Variants in GRIN2A observed in about 807,000 individuals in gnomAD.
GRIN2A encodes the protein glutamate ionotropic receptor NMDA type subunit 2A.
A neutral mutation model predicts 113.4 loss-of-function variants in GRIN2A; 22 were observed. The ratio of observed to expected loss-of-function variants is 0.19; its 90% confidence interval spans 0.14 to 0.28. The LOEUF is 0.28. Ranked by LOEUF, GRIN2A falls within the 10% of genes least tolerant of loss-of-function variation. GRIN2A has a pLI of 1.00. For missense variants in GRIN2A, 1,502 were observed against 1,887.0 expected (o/e 0.80, Z 3.78); for synonymous variants, 827 against 738.4 (o/e 1.12, Z -1.94).
At chr16:10,149,117 G>T (rs1421989770) in intron 2 of GRIN2A, among the ~76,000 whole-genome samples, 1 of 152,142 alleles carries the variant, frequency 6.6e-6, no homozygotes, top group Non-Finnish European at 1.5e-5. Flanking sequence ...TGGTTAATGG[G>T]TTCAAAAAAT....
At chr16:9,872,079 C>T (rs867698684) in intron 4 of GRIN2A, among the ~76,000 whole-genome samples, 9 of 152,250 alleles carry the variant, frequency 5.9e-5, no homozygotes, top group Middle Eastern at 3.4e-3. Context: ...GATCATGCAT[C>T]TAAAGTTCTG....
At chr16:10,082,165 C>G (rs2047998015) in intron 2 of GRIN2A, among the ~76,000 whole-genome samples, 1 of 152,126 alleles carries the variant, frequency 6.6e-6, no homozygotes, top group Non-Finnish European at 1.5e-5. Flanking sequence ...CATTGTATGG[C>G]CACACTCCAT....
intron 8 of GRIN2A, among the ~76,000 whole-genome samples, chr16:9,830,097 G>C (rs754501495): frequency 4.6e-5 from 7 of 152,192 alleles, no homozygotes; most frequent in Non-Finnish European, 1.0e-4. Flanking sequence ...CTGATGTTTG[G>C]TATTCTAATC....
At chr16:10,141,004 G>T (rs2049315709) in intron 2 of GRIN2A, among the ~76,000 whole-genome samples, 1 of 151,974 alleles carries the variant, frequency 6.6e-6, no homozygotes, top group African/African-American at 2.4e-5. Flanking sequence ...GACCAGCCTG[G>T]GCAACATAGT....
chr16:9,802,060 A>G (rs1438566652), intron 10 of GRIN2A, among the ~76,000 whole-genome samples: 2 of 152,230 alleles, frequency 1.3e-5, no homozygotes, highest in African/African-American at 4.8e-5. Context: ...TTAAAAAGTC[A>G]AAAAATAACA....
chr16:10,105,753 A>T (rs1210332832), intron 2 of GRIN2A, among the ~76,000 whole-genome samples: 2 of 151,998 alleles, frequency 1.3e-5, no homozygotes, highest in East Asian at 3.9e-4. Context: ...CTAAAAATAC[A>T]AAAATTAGCT....
intron 2 of GRIN2A, among the ~76,000 whole-genome samples, chr16:10,165,640 C>A (rs534938428): frequency 4.9e-4 from 67 of 135,806 alleles, no homozygotes; most frequent in African/African-American, 1.8e-3. Context: ...TGCTGCTAAA[C>A]AGGAGAGAGA....
At chr16:10,037,036 G>C (rs1015626704) in intron 2 of GRIN2A, 7 of 152,132 alleles carry the variant, frequency 4.6e-5, no homozygotes, top group African/African-American at 1.4e-4. Context: ...GATCCATGCC[G>C]TGGAGACAAA....
chr16:10,087,852 AATT>A lies in GRIN2A; in HGVS notation c.414+92143_414+92145del, dbSNP rs1377182871. Among the ~76,000 whole-genome samples, 6 of 80,548 alleles carry A rather than the reference AATT, an allele frequency of 7.4e-5. No individual in the cohort carries two copies. The Admixed American group carries it at 1.0e-3, about 14-fold the overall frequency. 52.8% of individuals were successfully genotyped at this position (80,548 alleles called of 152,430 possible). ...TAGGCATGCACCACCATGCCCAGCTAATTTTTTTTTTTTTTTTTTTTTGAGACA... is the reference window on the plus strand; with the variant it reads ...TAGGCATGCACCACCATGCCCAGCTATTTTTTTTTTTTTTTTTTTGAGACA... On this transcript the variant is annotated intron_variant, in intron 2 of 12. Transcript: ENST00000330684.
At position 9,810,836 on chromosome 16, in the gene GRIN2A, G is replaced by C. The variant is rs1410777861; in HGVS notation, c.2168+11428C>G. Among the ~76,000 whole-genome samples the C allele has an allele frequency of 2.0e-5, 3 of 152,330 alleles. No individual in the cohort carries two copies. In the East Asian group the frequency reaches 5.8e-4, roughly 29 times the overall value. On this transcript the variant is annotated intron_variant, in intron 10 of 12. Transcript: ENST00000330684. ...GGGGACACCTGAAGGTGCAGTACCT[G>C]AGTTCCTATCACTCCTCCACCTGCA... is the stretch of plus-strand genomic sequence containing the variant.
At chr16:9,855,339 CTT>C (rs1243738799) in intron 4 of GRIN2A, among the ~76,000 whole-genome samples, 5 of 152,348 alleles carry the variant, frequency 3.3e-5, no homozygotes, top group Admixed American at 2.6e-4. Flanking sequence ...ACAAACATCT[CTT>C]AATGCACAGT....
chr16:10,078,525 G>C (rs548824403), intron 2 of GRIN2A, among the ~76,000 whole-genome samples: 1 of 152,126 alleles, frequency 6.6e-6, no homozygotes, highest in South Asian at 2.1e-4. Context: ...AAGGAGATAA[G>C]AGCAATAGGG....
chr16:9,964,899 TCA>T (rs1169465325), intron 2 of GRIN2A, among the ~76,000 whole-genome samples: 6 of 152,348 alleles, frequency 3.9e-5, no homozygotes, highest in Admixed American at 3.3e-4. Context: ...ATTCTTCCTA[TCA>T]CACGTGAAAT....
chr16:10,078,513 G>C (rs2047918667), intron 2 of GRIN2A, among the ~76,000 whole-genome samples: 1 of 152,032 alleles, frequency 6.6e-6, no homozygotes, highest in South Asian at 2.1e-4. Flanking sequence ...GATGCAGGAG[G>C]GAAGGAGATA....
chr16:10,138,380 C>T (rs907585479), intron 2 of GRIN2A, among the ~76,000 whole-genome samples: 2 of 152,082 alleles, frequency 1.3e-5, no homozygotes, highest in Non-Finnish European at 2.9e-5. Context: ...GGAAGGAGAC[C>T]TCAGGAAACT....
rs2141137587 is a variant in GRIN2A at position 9,764,816 on chromosome 16, T to C, written c.2728A>G (p.Met910Val). The C allele has an allele frequency of 6.2e-7, 1 of 1,614,196 alleles. No homozygotes were observed. Among genetic ancestry groups the C allele is most frequent in the Non-Finnish European group, 8.5e-7 (1 of 1,180,002 alleles). ...GGTGAGTCCATTCTTGAGGAGTTCA[T>C]GTTGGACATGCTGGAAATGTTTTTG... is the stretch of plus-strand genomic sequence containing the variant. Reference protein sequence around the residue: ...SAKNISSMSNMNSSRMDSPKR... With the variant: ...SAKNISSMSNVNSSRMDSPKR... The change falls in exon 13 of 13, where the codon ATG (methionine) becomes GTG (valine). Residue 910 changes from methionine to valine, a missense_variant. Physicochemically the swap from Met to Val is conservative, Grantham distance 21. Around this residue, in one of 7 missense-constraint regions of GRIN2A, gnomAD observed 832 missense variants for 789.7 expected, o/e 1.05. Transcript: ENST00000330684.
intron 4 of GRIN2A, among the ~76,000 whole-genome samples, chr16:9,868,854 G>A (rs879804219): frequency 9.9e-5 from 15 of 152,230 alleles, no homozygotes; most frequent in Middle Eastern, 3.4e-3. Flanking sequence ...GTTTCAACAC[G>A]CTACTCACCC....
intron 10 of GRIN2A, among the ~76,000 whole-genome samples, chr16:9,814,423 A>G (rs1361574727): frequency 1.3e-5 from 2 of 152,174 alleles, no homozygotes; most frequent in Admixed American, 6.5e-5. Flanking sequence ...TGTTGTGAGG[A>G]TTAATTGAGA....
intron 4 of GRIN2A, among the ~76,000 whole-genome samples, chr16:9,882,953 C>G (rs868541635): frequency 1.3e-5 from 2 of 152,140 alleles, no homozygotes; most frequent in Admixed American, 6.5e-5. Context: ...TCTAGAATAC[C>G]TCCTTCCCGC....
Sources: allele counts gnomAD v4.1 joint callset (sites outside exome capture counted in the v4.1 genomes callset), GRCh38; gene constraint gnomAD v4.1.1; regional missense constraint gnomAD v4.1.1; transcripts MANE v1.5; gene names NCBI Gene and HGNC (gene_info 2026-07-23, HGNC 2026-07-21).